RAPGEF4: variants seen among roughly 807,000 people sequenced by gnomAD.
The protein encoded by RAPGEF4 is Rap guanine nucleotide exchange factor 4, also known as RAP guanine-nucleotide-exchange factor (GEF) 4.
A neutral mutation model predicts 147.9 loss-of-function variants in RAPGEF4; 66 were observed. That is an observed-to-expected ratio of 0.45 (90% confidence interval 0.37 to 0.55). The LOEUF (loss-of-function observed/expected upper bound fraction) is 0.55. RAPGEF4 is among the 20% of genes least tolerant of loss of function. RAPGEF4 has a pLI of 0.00. For synonymous variants in RAPGEF4, 419 were observed against 442.7 expected (o/e 0.95, Z 0.67); for missense variants, 1,071 against 1,257.3 (o/e 0.85, Z 2.24).
intron 8 of RAPGEF4, 144 bp downstream of exon 8, chr2:172,961,372 A>G: frequency 1.6e-6 from 1 of 620,434 alleles, no homozygotes; most frequent in South Asian, 2.3e-5. Context: ...CTTGTCTTAC[A>G]TCTCAGCTTA....
chr2:172,917,530 C>T (rs1684200424), intron 4 of RAPGEF4: 2 of 653,414 alleles, frequency 3.1e-6, no homozygotes, highest in Non-Finnish European at 5.7e-6. Flanking sequence ...GCTAAATATC[C>T]CACACAATTC....
intron 1 of RAPGEF4, among the ~76,000 whole-genome samples, chr2:172,783,669 C>T (rs1684901595): frequency 6.6e-6 from 1 of 151,952 alleles, no homozygotes; most frequent in Non-Finnish European, 1.5e-5. Context: ...AGTTGATTGC[C>T]TTGAGGAGGT....
intron 4 of RAPGEF4, among the ~76,000 whole-genome samples, chr2:172,880,700 T>C (rs1040668627): frequency 6.6e-6 from 1 of 152,236 alleles, no homozygotes; most frequent in African/African-American, 2.4e-5. Flanking sequence ...AATCCTGGCA[T>C]TTCCACTTAC....
At chr2:172,781,248 T>G (rs1265627779) in intron 1 of RAPGEF4, among the ~76,000 whole-genome samples, 1 of 152,164 alleles carries the variant, frequency 6.6e-6, no homozygotes, top group Non-Finnish European at 1.5e-5. Context: ...AGTTGTAGCC[T>G]GCTAGGTGGC....
chr2:172,970,460 C>T (rs531379866), intron 10 of RAPGEF4, among the ~76,000 whole-genome samples: 2 of 152,190 alleles, frequency 1.3e-5, no homozygotes, highest in African/African-American at 4.8e-5. Flanking sequence ...AAACTCAGCA[C>T]GGCTGCATTT....
Position 172,877,276 on chromosome 2 carries a change from A to G in RAPGEF4, c.445-40526A>G, listed in dbSNP as rs534986265. Reference sequence around the variant, plus strand: ...AAACTAACACAGGAACAGAAAACCAAACACCCCACATGTTCTCACTCATAA... The same window carrying G: ...AAACTAACACAGGAACAGAAAACCAGACACCCCACATGTTCTCACTCATAA... On this transcript the variant is annotated intron_variant, in intron 4 of 30. Transcript: ENST00000397081. 2.6e-5 allele frequency among the ~76,000 whole-genome samples: 4 copies of G among 152,276 alleles called. No homozygotes were observed. In the East Asian group the frequency reaches 5.8e-4, roughly 22 times the overall value.
At chr2:172,824,699 A>G (rs1368423912) in intron 4 of RAPGEF4, among the ~76,000 whole-genome samples, 2 of 152,230 alleles carry the variant, frequency 1.3e-5, no homozygotes, top group African/African-American at 4.8e-5. Context: ...CCATCCCACA[A>G]ATGCACCTTC....
intron 10 of RAPGEF4, among the ~76,000 whole-genome samples, chr2:172,976,502 G>A (rs1285497831): frequency 6.6e-6 from 1 of 152,070 alleles, no homozygotes; most frequent in African/African-American, 2.4e-5. Context: ...TTGAGATGAA[G>A]CGTTGCATCA....
chr2:172,735,667 A>C (rs1693677299), upstream of RAPGEF4, among the ~76,000 whole-genome samples: 1 of 151,466 alleles, frequency 6.6e-6, no homozygotes. Context: ...CGCCACCCCC[A>C]GTGTCCCCCA....
chr2:173,027,709 C>T (rs970998863), intron 25 of RAPGEF4, among the ~76,000 whole-genome samples: 1 of 152,278 alleles, frequency 6.6e-6, no homozygotes, highest in African/African-American at 2.4e-5. Context: ...AAAATGCATG[C>T]GAGCTAACCT....
intron 6 of RAPGEF4, among the ~76,000 whole-genome samples, chr2:172,951,292 A>G (rs761326218): frequency 1.8e-4 from 28 of 152,356 alleles, no homozygotes; most frequent in Middle Eastern, 3.4e-3. Flanking sequence ...ATACCTGAAC[A>G]CATAAGTTAC....
chr2:172,944,240 CT>C (rs769426756), intron 6 of RAPGEF4, among the ~76,000 whole-genome samples: 34 of 152,148 alleles, frequency 2.2e-4, no homozygotes, highest in Non-Finnish European at 3.8e-4. Context: ...AAGAAGGAAA[CT>C]GACAGGTCTC....
intron 15 of RAPGEF4, among the ~76,000 whole-genome samples, chr2:172,993,691 A>G (rs1693050136): frequency 6.6e-6 from 1 of 152,160 alleles, no homozygotes; most frequent in Admixed American, 6.5e-5. Context: ...CCGTCACGTG[A>G]TGTTTCAGCC....
At chr2:172,895,578 T>C (rs1427848037) in intron 4 of RAPGEF4, among the ~76,000 whole-genome samples, 3 of 152,222 alleles carry the variant, frequency 2.0e-5, no homozygotes, top group Admixed American at 1.3e-4. Flanking sequence ...GCCAAAATGA[T>C]TTAATTTTAT....
At position 173,026,661 on chromosome 2, in the gene RAPGEF4, A is replaced by G; in HGVS notation, c.2343A>G (p.Thr781=). The change falls in exon 24 of 31, where the codon ACA becomes ACG. Residue 781 remains threonine (T), a synonymous_variant. Transcript: ENST00000397081. ...CCAAAGATTTAGCATACCAGATGAC[A>G]ATTTATGATTGGGAACTCTTCAACT... ...MSSKDLAYQM[T]IYDWELFNCV... 6.2e-7 allele frequency: 1 copy of G among 1,614,110 alleles called. No individual in the cohort carries two copies. Among genetic ancestry groups the G allele is most frequent in the Non-Finnish European group, 8.5e-7 (1 of 1,179,992 alleles).
At chr2:172,865,013 G>A (rs577273645) in intron 4 of RAPGEF4, among the ~76,000 whole-genome samples, 5 of 152,314 alleles carry the variant, frequency 3.3e-5, no homozygotes, top group African/African-American at 1.2e-4. Context: ...GTCTGTGCCT[G>A]CCCTTGTCAC....
At chr2:173,017,817 T>C (rs748017269) in intron 21 of RAPGEF4, among the ~76,000 whole-genome samples, 11 of 152,024 alleles carry the variant, frequency 7.2e-5, no homozygotes, top group Admixed American at 2.0e-4. Context: ...GGTGGGAAGG[T>C]AGCTGGCGCC....
Position 172,814,202 on chromosome 2 carries a change from T to C in RAPGEF4, c.298-77T>C, listed in dbSNP as rs1030477867. 2.8e-6 allele frequency: 4 copies of C among 1,445,118 alleles called. No individual in the cohort carries two copies. The African/African-American group carries it at 5.6e-5, about 20-fold the overall frequency. The allele number at this position is 1,445,118 out of a possible 1,614,324, so 89.5% of individuals were successfully genotyped here. On this transcript the variant is annotated intron_variant, in intron 3 of 30. Transcript: ENST00000397081. ...TGGGTGTTTTGCCTTGTACAAATTA[T>C]ACTGCAGTTAAAGAAAAGAAAACAC...
chr2:173,024,522 C>T (rs1481307474), intron 23 of RAPGEF4, among the ~76,000 whole-genome samples: 2 of 152,202 alleles, frequency 1.3e-5, no homozygotes, highest in African/African-American at 4.8e-5. Flanking sequence ...CGGCCTGCTG[C>T]AGCACTTCTA....
Sources: allele counts gnomAD v4.1 joint callset (sites outside exome capture counted in the v4.1 genomes callset), GRCh38; gene constraint gnomAD v4.1.1; transcripts MANE v1.5; gene names NCBI Gene and HGNC (gene_info 2026-07-23, HGNC 2026-07-21).